CELF4: variants seen among roughly 807,000 people sequenced by gnomAD.
CELF4 encodes CUGBP Elav-like family member 4.
Under a neutral mutation model 59.9 loss-of-function variants are expected in CELF4, and 18 were observed. The observed-to-expected ratio is 0.30, with a 90% CI of 0.21 to 0.45. The LOEUF is 0.45. CELF4 is among the 20% of genes least tolerant of loss of function. The pLI is 1.00. For synonymous variants in CELF4, 261 were observed against 267.1 expected (o/e 0.98, Z 0.22); for missense variants, 456 against 689.0 (o/e 0.66, Z 3.79).
At chr18:37,476,650 CCTT>C (rs753609406) in intron 2 of CELF4, among the ~76,000 whole-genome samples, 2 of 152,360 alleles carry the variant, frequency 1.3e-5, no homozygotes, top group African/African-American at 2.4e-5. Context: ...AAAGACGTGT[CCTT>C]CTGCTCGCCC....
At chr18:37,526,586 T>C (rs1186396150) in intron 1 of CELF4, among the ~76,000 whole-genome samples, 1 of 152,208 alleles carries the variant, frequency 6.6e-6, no homozygotes, top group East Asian at 1.9e-4. Context: ...AGTAGGATAA[T>C]GCTATAAGAA....
rs1160281340 is a variant in CELF4, at chr18:37,275,153, T to C, written c.539A>G (p.Glu180Gly). Residue 180 changes from glutamate (E) to glycine (G), a missense_variant, in exon 4 of 13, where the codon GAG becomes GGG. By Grantham distance (98) the Glu-to-Gly change is moderately conservative. Coordinates refer to ENST00000420428, the MANE Select transcript of CELF4 (RefSeq NM_020180.4). The stretch of plus-strand genomic sequence containing the variant: ...GTCGGGCCCGCGCAGGATGGTGCAC[T>C]CCTCGATGTTCCCAAAGGCCTCGAA... ...RLFEAFGNIE[E>G]CTILRGPDGN... 1 of 1,613,386 alleles carries C rather than the reference T, an allele frequency of 6.2e-7. No homozygotes were observed. The highest frequency in any genetic ancestry group is 2.2e-5 in the East Asian group (1 of 44,838).
intron 7 of CELF4, among the ~76,000 whole-genome samples, chr18:37,271,793 G>A (rs16968675): frequency 0.13 from 19,137 of 152,214 alleles, 1,292 homozygotes; most frequent in Middle Eastern, 0.15. Context: ...TGAAGCAATA[G>A]TAGTGGTCAT....
intron 2 of CELF4, among the ~76,000 whole-genome samples, chr18:37,421,793 C>T (rs1266978549): frequency 2.0e-5 from 3 of 152,194 alleles, no homozygotes; most frequent in African/African-American, 2.4e-5. Context: ...GACAGTCACG[C>T]GCAGCCTGTG....
intron 2 of CELF4, among the ~76,000 whole-genome samples, chr18:37,466,580 C>T (rs1362769010): frequency 6.6e-6 from 1 of 152,156 alleles, no homozygotes; most frequent in Admixed American, 6.5e-5. Flanking sequence ...GTTCATGTAC[C>T]CATGCAGCCA....
Position 37,475,823 on chromosome 18 carries a change from A to G in CELF4, c.369+9702T>C, listed in dbSNP as rs541272936. On this transcript the variant is annotated intron_variant, in intron 2 of 12. Coordinates refer to ENST00000420428, the MANE Select transcript of CELF4 (RefSeq NM_020180.4). ...AATTCCAGGAGGAAAATTCACACTGACCTGGCTCCCCAAGCCTTCCTCCTC... is the reference window on the plus strand; with the variant it reads ...AATTCCAGGAGGAAAATTCACACTGGCCTGGCTCCCCAAGCCTTCCTCCTC... 2.0e-5 allele frequency among the ~76,000 whole-genome samples: 3 copies of G among 152,252 alleles called. No individual in the cohort carries two copies. In the South Asian group the frequency reaches 6.2e-4, roughly 32 times the overall value.
At chr18:37,291,002 C>T (rs1040706795) in intron 3 of CELF4, among the ~76,000 whole-genome samples, 12 of 152,198 alleles carry the variant, frequency 7.9e-5, no homozygotes, top group Non-Finnish European at 1.3e-4. Flanking sequence ...CTCCGCCTCC[C>T]GGGTTCAAGC....
chr18:37,293,994 T>C (rs1236964305), intron 3 of CELF4, among the ~76,000 whole-genome samples: 1 of 152,112 alleles, frequency 6.6e-6, no homozygotes, highest in African/African-American at 2.4e-5. Flanking sequence ...ACCACCTGAC[T>C]GACAACTTCC....
Position 37,538,444 on chromosome 18 carries a change from C to T in CELF4, c.286+26912G>A, listed in dbSNP as rs574826686. 1.6e-3 allele frequency among the ~76,000 whole-genome samples: 246 copies of T among 152,264 alleles called. 2 individuals carry two copies. The highest frequency in any genetic ancestry group is 5.7e-3 in the African/African-American group (238 of 41,552). ...TACCTTTGGCTGCTGAGGCCTGGAG[C>T]CTCTCTCTCTGGCTCTCGACTCCTT... On this transcript the variant is annotated intron_variant, in intron 1 of 12. Coordinates refer to ENST00000420428, the MANE Select transcript of CELF4 (RefSeq NM_020180.4).
At chr18:37,274,656 C>T (rs2092688743) in intron 5 of CELF4, 149 bp downstream of exon 5, 3 of 1,484,048 alleles carry the variant, frequency 2.0e-6, no homozygotes, top group Non-Finnish European at 2.7e-6. Context: ...CCTTAACATC[C>T]CTGGGCTTCC....
intron 1 of CELF4, among the ~76,000 whole-genome samples, chr18:37,496,045 C>T (rs2099924907): frequency 6.6e-6 from 1 of 152,020 alleles, no homozygotes; most frequent in African/African-American, 2.4e-5. Context: ...CACTGTGGGC[C>T]TTTTCTTATT....
intron 3 of CELF4, 138 bp from the exon 4 acceptor site, chr18:37,275,381 G>C: frequency 1.4e-6 from 1 of 704,128 alleles, no homozygotes; most frequent in Non-Finnish European, 2.2e-6. Context: ...GCGGGGGAGA[G>C]GTGCGGGGGA....
At chr18:37,432,244 T>G (rs2099671283) in intron 2 of CELF4, among the ~76,000 whole-genome samples, 2 of 152,210 alleles carry the variant, frequency 1.3e-5, no homozygotes, top group African/African-American at 4.8e-5. Flanking sequence ...GAAGGGGTGC[T>G]GTTGTGAGGG....
chr18:37,420,463 T>C (rs1238012743), intron 2 of CELF4, among the ~76,000 whole-genome samples: 1 of 152,174 alleles, frequency 6.6e-6, no homozygotes, highest in Non-Finnish European at 1.5e-5. Flanking sequence ...GAGGTGGGAC[T>C]TGAACTGGGT....
intron 3 of CELF4, among the ~76,000 whole-genome samples, chr18:37,282,461 A>G (rs2094267989): frequency 6.6e-6 from 1 of 152,198 alleles, no homozygotes; most frequent in Non-Finnish European, 1.5e-5. Context: ...CCTAAGGGAC[A>G]AGCAACTCAT....
intron 11 of CELF4, among the ~76,000 whole-genome samples, chr18:37,256,006 AT>A (rs1169722855): frequency 6.6e-6 from 1 of 152,116 alleles, no homozygotes; most frequent in Non-Finnish European, 1.5e-5. Context: ...GGTCAAGGGA[AT>A]TTTTCTTCCC....
rs961304560 is a variant in CELF4 at position 37,267,615 on chromosome 18, G to A, written c.1100-1017C>T. ...AGGAAGAAACTATCTGGGCTTATCC[G>A]CCTGTCAACTCAGGCCAGCTAAGCT... is the stretch of plus-strand genomic sequence containing the variant. On this transcript the variant is annotated intron_variant, in intron 8 of 12. Transcript: ENST00000420428. 5.9e-5 allele frequency among the ~76,000 whole-genome samples: 9 copies of A among 152,314 alleles called. No homozygotes were observed. In the East Asian group the frequency reaches 9.7e-4, roughly 16 times the overall value.
chr18:37,416,239 C>CATCT (rs2099527519), intron 2 of CELF4, among the ~76,000 whole-genome samples: 1 of 152,046 alleles, frequency 6.6e-6, no homozygotes, highest in Non-Finnish European at 1.5e-5. Context: ...TCTATCCATC[C>CATCT]ATCCATCCAT....
At chr18:37,552,820 G>A (rs2154605961) in intron 1 of CELF4, among the ~76,000 whole-genome samples, 1 of 152,306 alleles carries the variant, frequency 6.6e-6, no homozygotes, top group South Asian at 2.1e-4. Flanking sequence ...ATCTCAGCTG[G>A]GGTCTCCTGG....
Sources: allele counts gnomAD v4.1 joint callset (sites outside exome capture counted in the v4.1 genomes callset), GRCh38; gene constraint gnomAD v4.1.1; transcripts MANE v1.5; gene names NCBI Gene and HGNC (gene_info 2026-07-23, HGNC 2026-07-21).